Variants in QTMAN observed in about 807,000 individuals in gnomAD.
QTMAN encodes queuosine-tRNA mannosyltransferase.
At chr2:144,257,488 G>T in the QTMAN span, among the ~76,000 whole-genome samples, 1 of 152,180 alleles carries the variant, frequency 6.6e-6, no homozygotes, top group Non-Finnish European at 1.5e-5. Flanking sequence ...CAAAGAGAGG[G>T]ACACAGCTAT....
At chr2:144,141,831 T>C in the QTMAN span, 1 of 1,360,346 alleles carries the variant, frequency 7.4e-7, no homozygotes, top group South Asian at 1.3e-5. Context: ...TTTTATACAT[T>C]TGAGGAATAA....
the QTMAN span, among the ~76,000 whole-genome samples, chr2:144,226,271 C>T: frequency 4.6e-5 from 7 of 152,110 alleles, no homozygotes; most frequent in African/African-American, 9.7e-5. Flanking sequence ...TCAAGGGATA[C>T]TTACAATTTA....
the QTMAN span, among the ~76,000 whole-genome samples, chr2:144,045,763 T>C: frequency 6.6e-6 from 1 of 152,088 alleles, no homozygotes; most frequent in East Asian, 1.9e-4. Flanking sequence ...CCATAATGCA[T>C]AGGAAGGACT....
the QTMAN span, among the ~76,000 whole-genome samples, chr2:144,244,323 G>A: frequency 4.6e-5 from 7 of 152,140 alleles, no homozygotes; most frequent in Admixed American, 2.0e-4. Flanking sequence ...TTTTGCTTGA[G>A]GGCAGGTGTG....
At chr2:144,300,832 T>G in the QTMAN span, among the ~76,000 whole-genome samples, 7 of 152,162 alleles carry the variant, frequency 4.6e-5, no homozygotes, top group East Asian at 5.8e-4. Context: ...GAAAATGGTC[T>G]TGTCCAGCCT....
At chr2:144,195,857 C>T in the QTMAN span, among the ~76,000 whole-genome samples, 1 of 152,090 alleles carries the variant, frequency 6.6e-6, no homozygotes, top group African/African-American at 2.4e-5. Context: ...AATATTGCTA[C>T]TAAAATAACT....
chr2:143,986,972 G>T, the QTMAN span, among the ~76,000 whole-genome samples: 1 of 152,120 alleles, frequency 6.6e-6, no homozygotes, highest in East Asian at 1.9e-4. Context: ...CTGGACTAGA[G>T]GTAAAGGGCT....
At chr2:144,216,656 T>A in the QTMAN span, among the ~76,000 whole-genome samples, 1 of 152,168 alleles carries the variant, frequency 6.6e-6, no homozygotes, top group African/African-American at 2.4e-5. Context: ...TTATGGGAAA[T>A]AATAATTTTT....
chr2:144,017,685 G>A, the QTMAN span, among the ~76,000 whole-genome samples: 1 of 152,106 alleles, frequency 6.6e-6, no homozygotes, highest in East Asian at 1.9e-4. Flanking sequence ...ATGTTTCCAT[G>A]TTGCTTGGCA....
At chr2:144,038,878 G>A in the QTMAN span, among the ~76,000 whole-genome samples, 3 of 152,254 alleles carry the variant, frequency 2.0e-5, no homozygotes, top group African/African-American at 4.8e-5. Context: ...AACACAACAT[G>A]TAGAAGAACC....
the QTMAN span, among the ~76,000 whole-genome samples, chr2:144,125,415 A>C: frequency 6.6e-6 from 1 of 152,030 alleles, no homozygotes; most frequent in Non-Finnish European, 1.5e-5. Flanking sequence ...ATTCCAACTT[A>C]GGTAATTACA....
At chr2:144,148,508 C>T in the QTMAN span, among the ~76,000 whole-genome samples, 1 of 151,694 alleles carries the variant, frequency 6.6e-6, no homozygotes, top group Non-Finnish European at 1.5e-5. Flanking sequence ...CATTAAATGG[C>T]AGTAAGTAGA....
At chr2:144,144,398 A>G in the QTMAN span, among the ~76,000 whole-genome samples, 155 of 152,074 alleles carry the variant, frequency 1.0e-3, 1 homozygote, top group East Asian at 9.7e-4. Context: ...TTTTTTCCCA[A>G]TGATTTCTCA....
chr2:144,273,589 G>A, the QTMAN span, among the ~76,000 whole-genome samples: 5 of 152,254 alleles, frequency 3.3e-5, no homozygotes, highest in Middle Eastern at 3.4e-3. Context: ...AGTACTCTAA[G>A]GACTGGTCTT....
chr2:143,971,350 T>C, the QTMAN span, among the ~76,000 whole-genome samples: 1 of 152,178 alleles, frequency 6.6e-6, no homozygotes, highest in South Asian at 2.1e-4. Context: ...CAAAAGGAGG[T>C]AGGTCTGGGT....
the QTMAN span, among the ~76,000 whole-genome samples, chr2:144,021,976 A>G: frequency 1.8e-4 from 28 of 152,290 alleles, no homozygotes; most frequent in African/African-American, 6.3e-4. Flanking sequence ...AAATAGCAAG[A>G]TAAGAAATTA....
chr2:144,256,939 A>G, the QTMAN span, among the ~76,000 whole-genome samples: 1 of 152,208 alleles, frequency 6.6e-6, no homozygotes, highest in Non-Finnish European at 1.5e-5. Context: ...AAATGAGCTT[A>G]ATACAGACAT....
At chr2:144,326,535 C>T in the QTMAN span, among the ~76,000 whole-genome samples, 4 of 143,534 alleles carry the variant, frequency 2.8e-5, no homozygotes, top group African/African-American at 7.9e-5. Context: ...TGCAGTGAGC[C>T]GAGATTGCGC....
At chr2:144,274,908 G>A in the QTMAN span, among the ~76,000 whole-genome samples, 1 of 152,072 alleles carries the variant, frequency 6.6e-6, no homozygotes, top group South Asian at 2.1e-4. Context: ...GTAGGGAGCA[G>A]TACTGCGGGA....
Sources: allele counts gnomAD v4.1 joint callset (sites outside exome capture counted in the v4.1 genomes callset), GRCh38; gene constraint gnomAD v4.1.1; transcripts MANE v1.5; gene names NCBI Gene and HGNC (gene_info 2026-07-23, HGNC 2026-07-21).